Variants in METTL24 observed in about 807,000 individuals in gnomAD.
The protein encoded by METTL24 is methyltransferase like 24, also known as probable methyltransferase-like protein 24.
METTL24 carries 29 observed loss-of-function variants against 32.7 expected under a neutral mutation model. The observed-to-expected ratio is 0.89, with a 90% CI of 0.66 to 1.21. METTL24 has a LOEUF of 1.21. Among genes scored for constraint, METTL24 ranks in the 50% most tolerant of loss-of-function variants. The pLI is 0.00. For missense variants in METTL24, 439 were observed against 468.1 expected (o/e 0.94, Z 0.57); for synonymous variants, 163 against 179.5 (o/e 0.91, Z 0.73).
At chr6:110,357,013 C>G (rs1772712516) in intron 1 of METTL24, among the ~76,000 whole-genome samples, 1 of 152,062 alleles carries the variant, frequency 6.6e-6, no homozygotes, top group South Asian at 2.1e-4. Context: ...CCTCCAGGAC[C>G]GGTGATGGGA....
At chr6:110,309,227 C>A (rs1771675803) in intron 3 of METTL24, among the ~76,000 whole-genome samples, 1 of 152,132 alleles carries the variant, frequency 6.6e-6, no homozygotes, top group Non-Finnish European at 1.5e-5. Flanking sequence ...AGAGGTAACA[C>A]AATTGGTGTT....
intron 3 of METTL24, among the ~76,000 whole-genome samples, chr6:110,304,631 A>G (rs1771595556): frequency 6.6e-6 from 1 of 152,232 alleles, no homozygotes; most frequent in Admixed American, 6.5e-5. Context: ...AAGAGAATGA[A>G]AAGGAACGAA....
At chr6:110,293,445 T>C (rs1199503950) in intron 4 of METTL24, among the ~76,000 whole-genome samples, 3 of 152,014 alleles carry the variant, frequency 2.0e-5, no homozygotes, top group Admixed American at 1.3e-4. Flanking sequence ...ACTCATTAAA[T>C]TTACTTATTG....
intron 1 of METTL24, among the ~76,000 whole-genome samples, chr6:110,342,057 G>A (rs1354543313): frequency 6.6e-6 from 1 of 152,178 alleles, no homozygotes; most frequent in African/African-American, 2.4e-5. Context: ...CAGAACAAGC[G>A]CTCCCTTGTA....
rs772308448 is a variant in METTL24, at chr6:110,322,804, C to A, written c.387G>T (p.Trp129Cys). 5.0e-6 allele frequency: 8 copies of A among 1,613,958 alleles called. No individual in the cohort carries two copies. The highest frequency in any genetic ancestry group is 4.2e-6 in the Non-Finnish European group (5 of 1,179,904). Residue 129 changes from tryptophan to cysteine, a missense_variant, in exon 2 of 5, where the codon TGG (tryptophan) becomes TGT (cysteine). By Grantham distance (215) the Trp-to-Cys change is radical. Transcript: ENST00000338882. ...TGGTGCTGATATATCTCAGGAACCTCCAGGCTTCTTCATCCAGGGACTGAG... is the reference window on the plus strand; with the variant it reads ...TGGTGCTGATATATCTCAGGAACCTACAGGCTTCTTCATCCAGGGACTGAG... ...GSAQSLDEEA[W>C]RFLRYISTTQ...
rs1772411627 is a variant in METTL24 at position 110,343,825 on chromosome 6, G to A, written c.318+14130C>T. On this transcript the variant is annotated intron_variant, in intron 1 of 4. Coordinates refer to ENST00000338882, the MANE Select transcript of METTL24 (RefSeq NM_001123364.3). Reference sequence around the variant, plus strand: ...CCCTGAGACCTTCAGTAAGGCCTGTGTTGGTGTCAGTCTGGAAGATTAGAG... The same window carrying A: ...CCCTGAGACCTTCAGTAAGGCCTGTATTGGTGTCAGTCTGGAAGATTAGAG... 4.6e-5 allele frequency among the ~76,000 whole-genome samples: 7 copies of A among 152,324 alleles called. 1 individual carries two copies. The South Asian group carries it at 1.2e-3, about 27-fold the overall frequency.
intron 4 of METTL24, among the ~76,000 whole-genome samples, chr6:110,293,489 T>C (rs1771356638): frequency 6.6e-6 from 1 of 151,970 alleles, no homozygotes; most frequent in African/African-American, 2.4e-5. Context: ...TCTTGAGTTT[T>C]CTAGTATACC....
At chr6:110,318,651 C>CAAAAAAAAAAAAAAAAAA in intron 2 of METTL24, among the ~76,000 whole-genome samples, 1 of 90,580 alleles carries the variant, frequency 1.1e-5, no homozygotes, top group Non-Finnish European at 2.4e-5. Context: ...GACTCTACCT[C>CAAAAAAAAAAAAAAAAAA]AAAAAAAAAA....
rs537815158 is a variant in METTL24, at chr6:110,312,083, A to G, written c.557+3259T>C. On this transcript the variant is annotated intron_variant, in intron 3 of 4. Coordinates refer to ENST00000338882, the MANE Select transcript of METTL24 (RefSeq NM_001123364.3). ...TCCCATTTGTCTATTTTTCTTTTGA[A>G]TAAATATATGAAAAACTGCTCAGCC... is the stretch of plus-strand genomic sequence containing the variant. 3.4e-4 allele frequency among the ~76,000 whole-genome samples: 52 copies of G among 152,238 alleles called. 4 individuals carry two copies. In the South Asian group the frequency reaches 8.3e-3, roughly 24 times the overall value.
At chr6:110,284,260 A>G (rs1771183370) in intron 4 of METTL24, among the ~76,000 whole-genome samples, 1 of 152,190 alleles carries the variant, frequency 6.6e-6, no homozygotes, top group Non-Finnish European at 1.5e-5. Flanking sequence ...GTTTTGCAAA[A>G]TGAAAAAGTT....
At chr6:110,342,501 T>C (rs1383581333) in intron 1 of METTL24, among the ~76,000 whole-genome samples, 1 of 152,208 alleles carries the variant, frequency 6.6e-6, no homozygotes, top group Non-Finnish European at 1.5e-5. Flanking sequence ...TCATGTACTT[T>C]CACACCTGTC....
chr6:110,313,496 C>G (rs578098073), intron 3 of METTL24, among the ~76,000 whole-genome samples: 1 of 152,246 alleles, frequency 6.6e-6, no homozygotes, highest in African/African-American at 2.4e-5. Flanking sequence ...AACTTTCCCC[C>G]CAAACAGCTT....
chr6:110,251,472 ATAAT>A (rs1778277518), intron 4 of METTL24, among the ~76,000 whole-genome samples: 1 of 152,210 alleles, frequency 6.6e-6, no homozygotes, highest in African/African-American at 2.4e-5. Context: ...AATAAAGAAA[ATAAT>A]AAATAGGACA....
At chr6:110,340,134 C>T (rs1162564159) in intron 1 of METTL24, among the ~76,000 whole-genome samples, 1 of 152,012 alleles carries the variant, frequency 6.6e-6, no homozygotes, top group African/African-American at 2.4e-5. Flanking sequence ...AAAGAAAACA[C>T]AGCTCTTCTT....
At chr6:110,329,775 A>G (rs1055176333) in intron 1 of METTL24, among the ~76,000 whole-genome samples, 2 of 152,214 alleles carry the variant, frequency 1.3e-5, no homozygotes, top group African/African-American at 4.8e-5. Context: ...GATGTTTAAA[A>G]TTCAGGTAAC....
chr6:110,339,676 C>T (rs191435035), intron 1 of METTL24, among the ~76,000 whole-genome samples: 4 of 152,246 alleles, frequency 2.6e-5, no homozygotes, highest in East Asian at 1.9e-4. Context: ...CAAATGTACA[C>T]GTATATGTTT....
chr6:110,278,820 A>G (rs977521700), intron 4 of METTL24, among the ~76,000 whole-genome samples: 1 of 152,186 alleles, frequency 6.6e-6, no homozygotes, highest in Non-Finnish European at 1.5e-5. Context: ...CCAGGAGTTC[A>G]TGACCAGCCT....
At chr6:110,258,382 G>C (rs993174821) in intron 4 of METTL24, among the ~76,000 whole-genome samples, 1 of 152,208 alleles carries the variant, frequency 6.6e-6, no homozygotes, top group African/African-American at 2.4e-5. Flanking sequence ...ATTTACATCT[G>C]ACAAGAGGCA....
At position 110,358,122 on chromosome 6, in the gene METTL24, AGGCCGGGCCCGGCG is replaced by A; in HGVS notation, c.137_150del (p.Pro46LeufsTer76). 9.3e-7 allele frequency: 1 copy of A among 1,073,852 alleles called. No homozygotes were observed. The highest frequency in any genetic ancestry group is 1.1e-6 in the Non-Finnish European group (1 of 887,956). The allele number at this position is 1,073,852 out of a possible 1,614,324, so 66.5% of individuals were successfully genotyped here. On this transcript the variant is annotated frameshift_variant, in exon 1 of 5. Transcript: ENST00000338882. LOFTEE classifies it high-confidence loss of function. ...GGCAGGTGCGGCCCAGGTGGCCGCC[AGGCCGGGCCCGGCG>A]GGGCGCTGCGGGTGGGGGACCCGGG... is the stretch of plus-strand genomic sequence containing the variant.
Sources: allele counts gnomAD v4.1 joint callset (sites outside exome capture counted in the v4.1 genomes callset), GRCh38; gene constraint gnomAD v4.1.1; transcripts MANE v1.5; gene names NCBI Gene and HGNC (gene_info 2026-07-23, HGNC 2026-07-21).